The following KNDC1 variants were observed in gnomAD, a reference collection of about 807,000 sequenced individuals.
The protein encoded by KNDC1 is kinase non-catalytic C-lobe domain-containing protein 1.
In KNDC1, 106 loss-of-function variants were observed where a neutral mutation model predicts 172.8. That is an observed-to-expected ratio of 0.61 (90% confidence interval 0.52 to 0.72). KNDC1 has a LOEUF of 0.72. Among genes scored for constraint, KNDC1 ranks in the 30% least tolerant of loss-of-function variants. The pLI, the probability that KNDC1 is intolerant of heterozygous loss-of-function variation, is 0.00. For missense variants in KNDC1, 2,325 were observed against 2,394.5 expected, an observed-to-expected ratio of 0.97 and a Z score of 0.61; for synonymous variants, 1,083 against 1,062.2, an observed-to-expected ratio of 1.02 and a Z score of -0.38.
rs59184507 is a variant in KNDC1 at position 133,189,574 on chromosome 10, G to A, written c.1442-24G>A. On this transcript the variant is annotated intron_variant, in intron 7 of 29. Coordinates refer to ENST00000304613, the MANE Select transcript of KNDC1 (RefSeq NM_152643.8). The stretch of plus-strand genomic sequence containing the variant: ...CAAGTGCGGGGCAGCATGCATACCC[G>A]CCCTGACCCAAGCTCTGCCACAGCC... The A allele has an allele frequency of 2.8e-3, 4,553 of 1,610,336 alleles. 109 individuals carry two copies. In the African/African-American group the frequency reaches 0.051, roughly 18 times the overall value.
In KNDC1 at chr10:133,200,377, C is replaced by T. The variant is rs541425939; in HGVS notation, c.2906C>T (p.Thr969Met). 4.3e-5 allele frequency: 69 copies of T among 1,587,698 alleles called. No homozygotes were observed. The highest frequency in any genetic ancestry group is 5.3e-5 in the Admixed American group (3 of 57,066). Residue 969 changes from threonine to methionine, a missense_variant and splice_region_variant, in exon 16 of 30, where the codon ACG becomes ATG. Transcript: ENST00000304613. ...CTGACCTGCATTCTCGTCGTCAGCA[C>T]GGCCGAGGAGGCTGGGTCACAGCTC... ...VNGQASPSPS[T>M]AEEAGSQLEG... is the part of the protein sequence containing the mutation.
At position 133,186,047 on chromosome 10, in the gene KNDC1, C is replaced by T. The variant is rs1182446066; in HGVS notation, c.699C>T (p.Pro233=). The stretch of plus-strand genomic sequence containing the variant: ...GGCCCAGGAGGCCGCCCGGGGACCC[C>T]AGCACTGACCCGGAGGTTCTGCCGA... The part of the protein sequence containing the change: ...NAGPRRPPGD[P]STDPEVLPTP... The change falls in exon 6 of 30, where the codon CCC becomes CCT. Residue 233 remains proline (P), a synonymous_variant. Transcript: ENST00000304613. 6.3e-7 allele frequency: 1 copy of T among 1,599,828 alleles called. No homozygotes were observed. Among genetic ancestry groups the T allele is most frequent in the African/African-American group, 1.3e-5 (1 of 74,650 alleles).
intron 17 of KNDC1, 112 bp downstream of exon 17, chr10:133,202,010 G>T: frequency 3.3e-6 from 4 of 1,222,508 alleles, no homozygotes; most frequent in Non-Finnish European, 1.2e-6. Flanking sequence ...CCCCAACAGG[G>T]TGACACTGGT....
At chr10:133,183,777 A>G in intron 4 of KNDC1, 95 bp from the exon 5 acceptor site, 1 of 1,020,278 alleles carries the variant, frequency 9.8e-7, no homozygotes, top group Non-Finnish European at 1.4e-6. Context: ...GACTGTCCCC[A>G]GGTCACCTTC....
intron 17 of KNDC1, among the ~76,000 whole-genome samples, chr10:133,203,743 G>A (rs148298132): frequency 1.4e-4 from 22 of 152,364 alleles, no homozygotes; most frequent in East Asian, 7.7e-4. Flanking sequence ...GCCTGGCCTC[G>A]TGTTTCCCTC....
At chr10:133,188,718 C>A in intron 7 of KNDC1, 65 bp downstream of exon 7, 1 of 728,920 alleles carries the variant, frequency 1.4e-6, no homozygotes, top group Non-Finnish European at 2.1e-6. Context: ...CACCCCCCAC[C>A]GCCGTCCCAC....
At chr10:133,196,581 C>A (rs1321249675) in intron 10 of KNDC1, among the ~76,000 whole-genome samples, 1 of 152,176 alleles carries the variant, frequency 6.6e-6, no homozygotes, top group African/African-American at 2.4e-5. Flanking sequence ...GCCTCTCAGG[C>A]CTCCTCTGCT....
intron 12 of KNDC1, 50 bp downstream of exon 12, chr10:133,197,818 C>A: frequency 7.6e-7 from 1 of 1,307,912 alleles, no homozygotes; most frequent in Non-Finnish European, 1.1e-6. Context: ...GCACCTGACA[C>A]CACAGCTGCC....
chr10:133,170,325 C>T (rs1246472941), intron 3 of KNDC1, among the ~76,000 whole-genome samples: 2 of 152,172 alleles, frequency 1.3e-5, no homozygotes, highest in Non-Finnish European at 1.5e-5. Flanking sequence ...ATCGCTGGCT[C>T]CTGCAGGACG....
intron 10 of KNDC1, 152 bp downstream of exon 10, chr10:133,195,973 G>A (rs1210664174): frequency 4.3e-5 from 35 of 821,378 alleles, no homozygotes; most frequent in South Asian, 3.4e-4. Flanking sequence ...TCTAGACGTC[G>A]GCCTGGCCGT....
At chr10:133,212,561 G>A (rs1356927969) in intron 23 of KNDC1, among the ~76,000 whole-genome samples, 155 bp from the exon 24 acceptor site, 2 of 152,228 alleles carry the variant, frequency 1.3e-5, no homozygotes, top group Non-Finnish European at 2.9e-5. Flanking sequence ...CACAGCTGCG[G>A]GTGGGCAGGC....
intron 3 of KNDC1, among the ~76,000 whole-genome samples, chr10:133,177,687 T>G (rs902891990): frequency 6.6e-6 from 1 of 151,932 alleles, no homozygotes; most frequent in African/African-American, 2.4e-5. Flanking sequence ...CATGGGCACA[T>G]GTGTGTAATG....
intron 6 of KNDC1, among the ~76,000 whole-genome samples, chr10:133,187,635 G>A (rs1056337519): frequency 5.3e-5 from 8 of 152,220 alleles, no homozygotes; most frequent in Admixed American, 1.3e-4. Flanking sequence ...AAGGGCACAC[G>A]GAGGCACAGG....
chr10:133,178,215 G>GGT (rs1220270817), intron 3 of KNDC1, among the ~76,000 whole-genome samples: 2 of 151,526 alleles, frequency 1.3e-5, no homozygotes, highest in Non-Finnish European at 1.5e-5. Flanking sequence ...GTATGTATGT[G>GGT]GTGTGTGTGC....
At chr10:133,207,064 T>C in intron 19 of KNDC1, 73 bp from the exon 20 acceptor site, 2 of 1,528,026 alleles carry the variant, frequency 1.3e-6, no homozygotes, top group Admixed American at 3.8e-5. Context: ...GGGGCCCTGA[T>C]TTGAGGGTCC....
At chr10:133,215,720 G>A (rs528868066) in intron 26 of KNDC1, among the ~76,000 whole-genome samples, 3 of 152,370 alleles carry the variant, frequency 2.0e-5, no homozygotes, top group African/African-American at 7.2e-5. Flanking sequence ...GCCCCTCCCA[G>A]CCTGAGACCC....
intron 17 of KNDC1, among the ~76,000 whole-genome samples, chr10:133,202,919 C>A (rs893727457): frequency 6.6e-6 from 1 of 152,136 alleles, no homozygotes; most frequent in South Asian, 2.1e-4. Flanking sequence ...GAGAAAAGGG[C>A]GGCCGGCACA....
chr10:133,165,504 C>T (rs528501410), intron 1 of KNDC1, among the ~76,000 whole-genome samples: 31 of 152,310 alleles, frequency 2.0e-4, no homozygotes, highest in Non-Finnish European at 3.7e-4. Flanking sequence ...GGCTGAGACG[C>T]GCCTCATGCT....
At chr10:133,218,669 C>T (rs544555627) in intron 26 of KNDC1, among the ~76,000 whole-genome samples, 162 bp from the exon 27 acceptor site, 5 of 152,352 alleles carry the variant, frequency 3.3e-5, no homozygotes, top group East Asian at 1.9e-4. Context: ...AGCCCCTCCA[C>T]GGCCACCGCT....
Sources: gnomAD v4.1 joint callset for allele counts (sites outside exome capture counted in the v4.1 genomes callset) on GRCh38, gnomAD v4.1.1 for gene constraint, MANE v1.5 for transcripts, NCBI Gene and HGNC (gene_info 2026-07-23, HGNC 2026-07-21) for gene names.